The following MACROD1 variants were observed in gnomAD, a reference collection of about 807,000 sequenced individuals.
MACROD1 encodes mono-ADP ribosylhydrolase 1.
Under a neutral mutation model 41.4 loss-of-function variants are expected in MACROD1, and 31 were observed. The observed-to-expected ratio is 0.75, with a 90% confidence interval of 0.56 to 1.01. The LOEUF is 1.01. Among genes scored for constraint, MACROD1 ranks in the 50% least tolerant of loss-of-function variants. The probability of loss-of-function intolerance (pLI) is 0.00; values close to 1 mark genes in which losing one functional copy is unlikely to be tolerated. For synonymous variants in MACROD1, 252 were observed against 203.4 expected, an observed-to-expected ratio of 1.24 and a Z score of -2.03; for missense variants, 473 against 460.0, an observed-to-expected ratio of 1.03 and a Z score of -0.26.
At position 64,036,899 on chromosome 11, in the gene MACROD1, G is replaced by A. The variant is rs543069753; in HGVS notation, c.518-21618C>T. Among the ~76,000 whole-genome samples the A allele has an allele frequency of 1.6e-3, 237 of 152,328 alleles. No individual in the cohort carries two copies. Among genetic ancestry groups the A allele is most frequent in the African/African-American group, 5.1e-3 (214 of 41,584 alleles). On this transcript the variant is annotated intron_variant, in intron 3 of 10. Transcript: ENST00000255681. The surrounding 1 kb of genome is among the most constrained non-coding windows in gnomAD (Gnocchi z 5.6). ...CGCGGGCACTGGAGACCCCGGGGAG[G>A]AAGGCTGGGGAGTGTTGTCGCCCAG...
At chr11:64,128,446 C>G (rs1388016177) in intron 3 of MACROD1, among the ~76,000 whole-genome samples, 14 of 152,164 alleles carry the variant, frequency 9.2e-5, no homozygotes, top group Non-Finnish European at 1.5e-5. Context: ...AGGGCCTAGC[C>G]TGGGTGGGGC....
At chr11:64,016,781 G>A (rs1943087577) in intron 3 of MACROD1, among the ~76,000 whole-genome samples, 1 of 152,220 alleles carries the variant, frequency 6.6e-6, no homozygotes, top group Non-Finnish European at 1.5e-5. Context: ...GGGAAGTGAG[G>A]GGGAGGTGAG....
chr11:64,133,824 G>A (rs1244918885), intron 3 of MACROD1, among the ~76,000 whole-genome samples: 1 of 152,216 alleles, frequency 6.6e-6, no homozygotes, highest in African/African-American at 2.4e-5. Context: ...ACCTGCTGCA[G>A]GAATTAATGA....
At chr11:64,128,445 C>G (rs1945217838) in intron 3 of MACROD1, among the ~76,000 whole-genome samples, 1 of 152,144 alleles carries the variant, frequency 6.6e-6, no homozygotes, top group African/African-American at 2.4e-5. Context: ...CAGGGCCTAG[C>G]CTGGGTGGGG....
intron 4 of MACROD1, chr11:64,001,833 C>G (rs895940321): frequency 1.2e-5 from 8 of 687,546 alleles, no homozygotes; most frequent in Admixed American, 6.0e-5. Context: ...AATGGGGTGC[C>G]GTGGCTGGGC....
chr11:64,001,805 TG>T (rs1476177027), intron 4 of MACROD1: 1 of 698,476 alleles, frequency 1.4e-6, no homozygotes, highest in African/African-American at 1.7e-5. Flanking sequence ...CTCCCAGTGC[TG>T]GGAAGTGAGT....
rs138056821 is a variant in MACROD1 at position 64,018,652 on chromosome 11, G to A, written c.518-3371C>T. On this transcript the variant is annotated intron_variant, in intron 3 of 10. Coordinates refer to ENST00000255681, the MANE Select transcript of MACROD1 (RefSeq NM_014067.4). ...TCACCTCAGCTAGTTCCTGGCCACC[G>A]GCTTGAGCCTCTAAGTCCCCTCTCT... Among the ~76,000 whole-genome samples the A allele has an allele frequency of 6.9e-3, 1,055 of 152,260 alleles. 6 individuals are homozygous for A. The highest frequency in any genetic ancestry group is 0.014 in the Middle Eastern group (4 of 294).
chr11:64,165,123 A>G (rs539739769), intron 1 of MACROD1, among the ~76,000 whole-genome samples: 2 of 152,338 alleles, frequency 1.3e-5, no homozygotes, highest in African/African-American at 4.8e-5. Flanking sequence ...GGAAGGCATC[A>G]GAGTGCGGGC....
chr11:64,102,233 G>A lies in MACROD1; in HGVS notation c.517+49006C>T, dbSNP rs1053125546. On this transcript the variant is annotated intron_variant, in intron 3 of 10. Coordinates refer to ENST00000255681, the MANE Select transcript of MACROD1 (RefSeq NM_014067.4). ...GGGGGAATACAGACACCAGGGCGCC[G>A]CGGCCCTTCCACATGCCGCACTAAT... 2.6e-5 allele frequency among the ~76,000 whole-genome samples: 4 copies of A among 152,202 alleles called. No homozygotes were observed. The East Asian group carries it at 5.8e-4, about 22-fold the overall frequency.
chr11:64,087,821 G>A (rs552364971), intron 3 of MACROD1, among the ~76,000 whole-genome samples: 3 of 152,248 alleles, frequency 2.0e-5, no homozygotes, highest in Admixed American at 6.5e-5. Flanking sequence ...TCTGCACTGT[G>A]GGGTCCACAG....
intron 3 of MACROD1, among the ~76,000 whole-genome samples, chr11:64,062,859 C>T (rs897909096): frequency 1.3e-5 from 2 of 152,208 alleles, no homozygotes; most frequent in South Asian, 2.1e-4. Flanking sequence ...ACCTCCACCC[C>T]GGCCCCGCCT....
chr11:64,161,405 C>T (rs1945753397), intron 1 of MACROD1, among the ~76,000 whole-genome samples: 1 of 152,188 alleles, frequency 6.6e-6, no homozygotes, highest in South Asian at 2.1e-4. Flanking sequence ...CGACTTCTGG[C>T]GTGATGGCAA....
rs148902826 is a variant in MACROD1 at position 64,098,012 on chromosome 11, C to T, written c.517+53227G>A. Among the ~76,000 whole-genome samples, 20 of 152,272 alleles carry T rather than the reference C, an allele frequency of 1.3e-4. No homozygotes were observed. The East Asian group carries it at 3.9e-3, about 29-fold the overall frequency. On this transcript the variant is annotated intron_variant, in intron 3 of 10. Transcript: ENST00000255681. ...TGGGGGCCTCCCAAGTTGGCCCCTT[C>T]CCTTCAACCCCTCACTGTATGAGGT...
At chr11:64,060,674 T>G (rs1220187165) in intron 3 of MACROD1, 1 of 139,766 alleles carries the variant, frequency 7.2e-6, no homozygotes, top group Non-Finnish European at 1.5e-5. Flanking sequence ...TGCGCTTCTC[T>G]TTAGTTCATT....
intron 3 of MACROD1, among the ~76,000 whole-genome samples, chr11:64,083,417 A>G (rs1268714559): frequency 6.6e-6 from 1 of 152,142 alleles, no homozygotes; most frequent in East Asian, 1.9e-4. Context: ...GCCTGGCAAC[A>G]CTGCCTGGGC....
chr11:64,077,138 C>T (rs993182804), intron 3 of MACROD1, among the ~76,000 whole-genome samples: 9 of 152,200 alleles, frequency 5.9e-5, no homozygotes, highest in African/African-American at 2.2e-4. Flanking sequence ...GGCCTGAACC[C>T]CTTCTCCCTG....
At chr11:64,117,898 A>G (rs752665635) in intron 3 of MACROD1, 5 of 1,613,916 alleles carry the variant, frequency 3.1e-6, no homozygotes, top group South Asian at 1.1e-5. Flanking sequence ...CAGGAGCAGA[A>G]CGCTGGCCCC....
rs1314977023 is a variant in MACROD1 at position 64,097,780 on chromosome 11, C to T, written c.517+53459G>A. 2.6e-5 allele frequency among the ~76,000 whole-genome samples: 4 copies of T among 152,184 alleles called. No individual in the cohort carries two copies. In the East Asian group the frequency reaches 7.7e-4, roughly 29 times the overall value. Reference sequence around the variant, plus strand: ...AATGGGGTGGGCCCATCTCACAGGGCAGAAGGCACAGCCTCCAGAGGCCTT... The same window carrying T: ...AATGGGGTGGGCCCATCTCACAGGGTAGAAGGCACAGCCTCCAGAGGCCTT... On this transcript the variant is annotated intron_variant, in intron 3 of 10. Coordinates refer to ENST00000255681, the MANE Select transcript of MACROD1 (RefSeq NM_014067.4).
At chr11:64,098,209 C>A (rs759779288) in intron 3 of MACROD1, among the ~76,000 whole-genome samples, 2 of 152,208 alleles carry the variant, frequency 1.3e-5, no homozygotes, top group Non-Finnish European at 2.9e-5. Flanking sequence ...CAGCCTCCCC[C>A]CTGCCCTTGT....
Sources: allele counts gnomAD v4.1 joint callset (sites outside exome capture counted in the v4.1 genomes callset), GRCh38; gene constraint gnomAD v4.1.1; non-coding constraint Gnocchi (gnomAD v3.1); transcripts MANE v1.5; gene names NCBI Gene and HGNC (gene_info 2026-07-23, HGNC 2026-07-21).